Variants in ST7 observed in about 807,000 individuals in gnomAD.
ST7 encodes the protein suppressor of tumorigenicity 7 protein.
In ST7, 28 loss-of-function variants were observed where a neutral mutation model predicts 78.7. The ratio of observed to expected loss-of-function variants is 0.36; its 90% CI spans 0.26 to 0.49. ST7 has a LOEUF of 0.49. Among genes scored for constraint, ST7 ranks in the 20% least tolerant of loss-of-function variants. The probability of loss-of-function intolerance (pLI) is 0.99; values close to 1 mark genes in which losing one functional copy is unlikely to be tolerated. For missense variants in ST7, 418 were observed against 696.0 expected, an observed-to-expected ratio of 0.60 and a Z score of 4.49; for synonymous variants, 247 against 249.6, an observed-to-expected ratio of 0.99 and a Z score of 0.10.
chr7:117,085,604 A>G (rs141490817), intron 1 of ST7, among the ~76,000 whole-genome samples: 70 of 152,316 alleles, frequency 4.6e-4, no homozygotes, highest in Non-Finnish European at 4.3e-4. Flanking sequence ...TCTGCATGCT[A>G]TCAAGTACTC....
At chr7:117,105,010 G>A (rs1176464884) in intron 2 of ST7, among the ~76,000 whole-genome samples, 5 of 152,220 alleles carry the variant, frequency 3.3e-5, no homozygotes, top group South Asian at 4.2e-4. Context: ...GTTGTGGGAC[G>A]GGGAAAAGAG....
intron 2 of ST7, among the ~76,000 whole-genome samples, chr7:117,109,650 A>G (rs1179516734): frequency 2.6e-5 from 4 of 152,176 alleles, no homozygotes; most frequent in East Asian, 1.9e-4. Context: ...TATTGACCCT[A>G]TTCCAAAAAA....
intron 15 of ST7, chr7:117,222,817 A>G (rs774829242): frequency 2.1e-6 from 3 of 1,444,746 alleles, no homozygotes; most frequent in African/African-American, 2.8e-5. Context: ...GCAATCAGAA[A>G]GGATGATTTC....
chr7:117,079,920 T>G (rs1159361910), intron 1 of ST7, among the ~76,000 whole-genome samples: 2 of 150,406 alleles, frequency 1.3e-5, no homozygotes, highest in South Asian at 2.1e-4. Flanking sequence ...AAAAATCACT[T>G]ACAGTTCTAC....
intron 12 of ST7, among the ~76,000 whole-genome samples, chr7:117,203,127 T>C (rs1190943054): frequency 2.0e-5 from 3 of 152,354 alleles, no homozygotes; most frequent in East Asian, 3.9e-4. Flanking sequence ...CTGTAGTCTG[T>C]GTCTAAAAGT....
chr7:117,208,635 G>C (rs1428603017), intron 12 of ST7, among the ~76,000 whole-genome samples: 1 of 152,130 alleles, frequency 6.6e-6, no homozygotes, highest in African/African-American at 2.4e-5. Flanking sequence ...TCCTCAACTA[G>C]ATGACAGGGA....
chr7:116,974,523 C>T (rs1793602121), intron 1 of ST7, among the ~76,000 whole-genome samples: 1 of 152,132 alleles, frequency 6.6e-6, no homozygotes, highest in African/African-American at 2.4e-5. Flanking sequence ...GATCTCCTGA[C>T]CTCGTGATCC....
chr7:117,073,422 G>A (rs1439685883), intron 1 of ST7, among the ~76,000 whole-genome samples: 1 of 152,106 alleles, frequency 6.6e-6, no homozygotes, highest in Non-Finnish European at 1.5e-5. Context: ...TACTTTATAG[G>A]GACAGATATA....
At chr7:117,212,550 T>C (rs960308516) in intron 13 of ST7, among the ~76,000 whole-genome samples, 3 of 152,228 alleles carry the variant, frequency 2.0e-5, no homozygotes, top group Non-Finnish European at 4.4e-5. Context: ...TATATTTTGT[T>C]GTTTAATATT....
chr7:117,130,806 A>G (rs1389355729), intron 5 of ST7, 200 bp downstream of exon 5: 4 of 427,184 alleles, frequency 9.4e-6, no homozygotes, highest in South Asian at 5.9e-5. Context: ...GAGTCCCCTC[A>G]TAATAATTTG....
At chr7:117,078,836 A>G (rs1296737760) in intron 1 of ST7, among the ~76,000 whole-genome samples, 1 of 152,230 alleles carries the variant, frequency 6.6e-6, no homozygotes, top group Non-Finnish European at 1.5e-5. Context: ...GTAACTCAGC[A>G]ATTAAGTCAT....
intron 1 of ST7, among the ~76,000 whole-genome samples, chr7:116,983,709 C>T (rs1370399071): frequency 1.3e-5 from 2 of 152,158 alleles, no homozygotes; most frequent in Admixed American, 1.3e-4. Flanking sequence ...CCCCCACTGT[C>T]TGTCTTCACC....
At chr7:117,209,613 A>G (rs900959819) in intron 12 of ST7, among the ~76,000 whole-genome samples, 174 bp from the exon 13 acceptor site, 4 of 152,272 alleles carry the variant, frequency 2.6e-5, no homozygotes, top group African/African-American at 9.6e-5. Flanking sequence ...ATCTGTCAGC[A>G]AACTTTGTAT....
chr7:117,191,033 A>G (rs529667956), intron 12 of ST7, 97 bp downstream of exon 12: 4 of 971,310 alleles, frequency 4.1e-6, no homozygotes, highest in African/African-American at 3.2e-5. Context: ...TTATAAAAAA[A>G]TGAATTGCAA....
chr7:116,968,995 A>C (rs1238377066), intron 1 of ST7, among the ~76,000 whole-genome samples: 1 of 152,248 alleles, frequency 6.6e-6, no homozygotes, highest in Non-Finnish European at 1.5e-5. Flanking sequence ...GGGACAGGAA[A>C]TAATATGAGA....
At chr7:117,027,919 G>A (rs1584478553) in intron 1 of ST7, among the ~76,000 whole-genome samples, 3 of 152,218 alleles carry the variant, frequency 2.0e-5, no homozygotes, top group Admixed American at 2.0e-4. Flanking sequence ...AATCTGCTGT[G>A]GAGTAAGGTA....
chr7:116,996,598 C>G (rs1213243537), intron 1 of ST7, among the ~76,000 whole-genome samples: 4 of 152,158 alleles, frequency 2.6e-5, no homozygotes, highest in African/African-American at 7.2e-5. Flanking sequence ...CTGTTATGTT[C>G]CCTACTCCAG....
At chr7:117,148,449 CTG>C (rs1321256875) in intron 9 of ST7, among the ~76,000 whole-genome samples, 1 of 152,066 alleles carries the variant, frequency 6.6e-6, no homozygotes, top group Non-Finnish European at 1.5e-5. Context: ...TTATTCAAAT[CTG>C]AGGGTTTTAT....
chr7:117,167,581 G>A (rs1807670759), intron 9 of ST7, among the ~76,000 whole-genome samples: 1 of 151,982 alleles, frequency 6.6e-6, no homozygotes, highest in Non-Finnish European at 1.5e-5. Context: ...CAGGATGTTA[G>A]GTTGTGGAAG....
Sources: allele counts gnomAD v4.1 joint callset (sites outside exome capture counted in the v4.1 genomes callset), GRCh38; gene constraint gnomAD v4.1.1; transcripts MANE v1.5; gene names NCBI Gene and HGNC (gene_info 2026-07-23, HGNC 2026-07-21).